The following MARK1 variants were observed in gnomAD, a reference collection of about 807,000 sequenced individuals.
MARK1 encodes microtubule affinity regulating kinase 1.
MARK1 carries 40 observed loss-of-function variants against 96.3 expected under a neutral mutation model. The ratio of observed to expected loss-of-function variants is 0.42; its 90% CI spans 0.32 to 0.54. MARK1 has a LOEUF of 0.54. MARK1 is among the 20% of genes least tolerant of loss of function. MARK1 has a pLI of 0.16. For missense variants in MARK1, 719 were observed against 984.6 expected, an observed-to-expected ratio of 0.73 and a Z score of 3.61; for synonymous variants, 317 against 341.2, an observed-to-expected ratio of 0.93 and a Z score of 0.78.
chr1:220,643,273 G>A (rs1035438534), intron 13 of MARK1, among the ~76,000 whole-genome samples: 6 of 152,076 alleles, frequency 3.9e-5, no homozygotes, highest in South Asian at 4.1e-4. Context: ...TGGTGGAGCC[G>A]AAAAACACAG....
Position 220,611,105 on chromosome 1 carries a change from C to T in MARK1, c.496-4834C>T, listed in dbSNP as rs568863907. Among the ~76,000 whole-genome samples, 350 of 152,296 alleles carry T rather than the reference C, an allele frequency of 2.3e-3. 3 individuals carry two copies. Among genetic ancestry groups the T allele is most frequent in the African/African-American group, 7.7e-3 (322 of 41,562 alleles). The stretch of plus-strand genomic sequence containing the variant: ...ATGCTGGGAGAACCACTGCTCTCTT[C>T]GGAGCTGTCAGACAGGGACATTTAA... On this transcript the variant is annotated intron_variant, in intron 6 of 17. Transcript: ENST00000366917.
At chr1:220,553,430 G>T (rs1490908484) in intron 1 of MARK1, among the ~76,000 whole-genome samples, 1 of 152,120 alleles carries the variant, frequency 6.6e-6, no homozygotes, top group Non-Finnish European at 1.5e-5. Flanking sequence ...TCATCACCAG[G>T]TCCTAGGGAA....
At chr1:220,655,547 A>ACT (rs946101623) in intron 16 of MARK1, among the ~76,000 whole-genome samples, 2 of 150,748 alleles carry the variant, frequency 1.3e-5, no homozygotes, top group African/African-American at 5.0e-5. Context: ...GTTATCCTTG[A>ACT]CACTTCTTTT....
chr1:220,629,406 A>G (rs1255605712), intron 9 of MARK1, among the ~76,000 whole-genome samples: 7 of 145,786 alleles, frequency 4.8e-5, no homozygotes, highest in Non-Finnish European at 9.0e-5. Flanking sequence ...ACATATATTT[A>G]CCCTCAACAA....
chr1:220,535,518 T>C (rs1167402142), intron 1 of MARK1, among the ~76,000 whole-genome samples: 2 of 152,190 alleles, frequency 1.3e-5, no homozygotes. Context: ...TTTAGTTTGA[T>C]TTAGTCCTGA....
rs1379918116 is a variant in MARK1 at position 220,627,170 on chromosome 1, C to T, written c.910-3865C>T. 5 of 488,006 alleles carry T rather than the reference C, an allele frequency of 1.0e-5. No individual in the cohort carries two copies. In the East Asian group the frequency reaches 2.8e-4, roughly 27 times the overall value. The allele number at this position is 488,006 out of a possible 1,614,324, so 30.2% of individuals were successfully genotyped here. ...GCAGGTGATTCCAGAGGATCTGTCC[C>T]TGAGGAGAGTGGCGATGAGAGCGAA... On this transcript the variant is annotated intron_variant, in intron 9 of 17. Transcript: ENST00000366917.
In MARK1 at chr1:220,546,843, G is replaced by A. The variant is rs1158735973; in HGVS notation, c.51+17970G>A. On this transcript the variant is annotated intron_variant, in intron 1 of 17. Coordinates refer to ENST00000366917, the MANE Select transcript of MARK1 (RefSeq NM_018650.5). ...AAAAATTAGCTGGGCATGGCGGCGT[G>A]CGCCTGTAGTCCCAGCTACTCGGGA... 2.6e-5 allele frequency among the ~76,000 whole-genome samples: 4 copies of A among 151,992 alleles called. No individual in the cohort carries two copies. The South Asian group carries it at 8.3e-4, about 32-fold the overall frequency.
intron 3 of MARK1, among the ~76,000 whole-genome samples, chr1:220,592,544 G>A (rs1418853840): frequency 1.3e-5 from 2 of 152,118 alleles, no homozygotes; most frequent in East Asian, 3.9e-4. Flanking sequence ...GTTGATTGCA[G>A]CCTTACGAGA....
intron 3 of MARK1, among the ~76,000 whole-genome samples, chr1:220,588,244 T>C (rs975418205): frequency 4.6e-5 from 7 of 152,198 alleles, no homozygotes; most frequent in Admixed American, 2.6e-4. Context: ...CACCAACTTA[T>C]ACCCAAAGCT....
intron 13 of MARK1, among the ~76,000 whole-genome samples, chr1:220,644,791 T>G (rs761448663): frequency 2.0e-5 from 3 of 152,050 alleles, no homozygotes; most frequent in Non-Finnish European, 4.4e-5. Context: ...AACCACATAA[T>G]TACATGGAAA....
At chr1:220,625,368 G>A (rs1667267702) in intron 9 of MARK1, among the ~76,000 whole-genome samples, 1 of 152,118 alleles carries the variant, frequency 6.6e-6, no homozygotes. Flanking sequence ...GTACTTTTAG[G>A]TGCTGGATAT....
intron 1 of MARK1, among the ~76,000 whole-genome samples, chr1:220,570,906 T>C (rs1558266283): frequency 6.6e-6 from 1 of 152,180 alleles, no homozygotes; most frequent in Admixed American, 6.5e-5. Context: ...GTGCATAGCA[T>C]AGTAGCTTTC....
intron 7 of MARK1, 73 bp downstream of exon 7, chr1:220,616,068 GCTGT>G (rs1285170194): frequency 5.3e-6 from 4 of 754,578 alleles, no homozygotes; most frequent in South Asian, 2.0e-5. Flanking sequence ...TAATATTAGA[GCTGT>G]CTATTTTATT....
At chr1:220,594,819 C>A (rs1427137916) in intron 3 of MARK1, among the ~76,000 whole-genome samples, 1 of 152,066 alleles carries the variant, frequency 6.6e-6, no homozygotes, top group East Asian at 1.9e-4. Context: ...CTGGAAAAGG[C>A]AAAACTGGTG....
intron 1 of MARK1, among the ~76,000 whole-genome samples, chr1:220,536,910 T>G (rs1246110763): frequency 6.6e-6 from 1 of 152,146 alleles, no homozygotes; most frequent in East Asian, 1.9e-4. Flanking sequence ...TATTGAAGGT[T>G]TTTCCATTTC....
At chr1:220,559,724 C>T (rs1263745393) in intron 1 of MARK1, among the ~76,000 whole-genome samples, 1 of 152,164 alleles carries the variant, frequency 6.6e-6, no homozygotes, top group Non-Finnish European at 1.5e-5. Context: ...AATATGGAGG[C>T]AGTGGGTAGG....
chr1:220,552,822 G>A (rs1661958164), intron 1 of MARK1, among the ~76,000 whole-genome samples: 1 of 152,136 alleles, frequency 6.6e-6, no homozygotes, highest in African/African-American at 2.4e-5. Flanking sequence ...CTGGGTGACT[G>A]GGTAACCTTC....
chr1:220,596,331 A>G (rs1029462936), intron 3 of MARK1, among the ~76,000 whole-genome samples: 3 of 152,166 alleles, frequency 2.0e-5, no homozygotes, highest in Non-Finnish European at 4.4e-5. Flanking sequence ...GATGATCTCA[A>G]GTGTACTGAA....
intron 13 of MARK1, among the ~76,000 whole-genome samples, chr1:220,638,714 G>A (rs1480309738): frequency 6.6e-6 from 1 of 151,964 alleles, no homozygotes; most frequent in East Asian, 1.9e-4. Flanking sequence ...AAAAGATTTT[G>A]ATAGAGAAAT....
Sources: gnomAD v4.1 joint callset for allele counts (sites outside exome capture counted in the v4.1 genomes callset) on GRCh38, gnomAD v4.1.1 for gene constraint, MANE v1.5 for transcripts, NCBI Gene and HGNC (gene_info 2026-07-23, HGNC 2026-07-21) for gene names.